PTPRD: variants seen among roughly 807,000 people sequenced by gnomAD.
The protein encoded by PTPRD is protein tyrosine phosphatase receptor type D, also known as receptor-type tyrosine-protein phosphatase delta.
In PTPRD, 34 loss-of-function variants were observed where a neutral mutation model predicts 214.5. That is an observed-to-expected ratio of 0.16 (90% CI 0.12 to 0.21). PTPRD has a LOEUF of 0.21. PTPRD is among the 10% of genes least tolerant of loss of function. The pLI is 1.00. For synonymous variants in PTPRD, 1,128 were observed against 845.7 expected, an observed-to-expected ratio of 1.33 and a Z score of -5.79; for missense variants, 2,545 against 2,398.7, an observed-to-expected ratio of 1.06 and a Z score of -1.27.
intron 37 of PTPRD, among the ~76,000 whole-genome samples, chr9:8,380,835 GAGCGGT>G (rs1052028763): frequency 1.6e-4 from 24 of 152,082 alleles, no homozygotes; most frequent in African/African-American, 5.8e-4. Context: ...GGCACTTAAT[GAGCGGT>G]AGCCAACTTT....
intron 7 of PTPRD, among the ~76,000 whole-genome samples, chr9:9,679,976 T>C (rs1233490830): frequency 6.6e-6 from 1 of 151,936 alleles, no homozygotes; most frequent in Non-Finnish European, 1.5e-5. Context: ...AATACTTCTC[T>C]TGCTTTTGAA....
In PTPRD at chr9:9,533,975, TA is replaced by T. The variant is rs765062976; in HGVS notation, c.-237+40756del. ...AATTATATGATGTGTCAAGCTCATT[TA>T]AAAAATATGTTAAAATTGCTAAATA... is the stretch of plus-strand genomic sequence containing the variant. On this transcript the variant is annotated intron_variant, in intron 8 of 45. Transcript: ENST00000381196. Among the ~76,000 whole-genome samples the T allele has an allele frequency of 1.6e-4, 25 of 152,182 alleles. No homozygotes were observed. In the East Asian group the frequency reaches 2.9e-3, roughly 18 times the overall value.
At chr9:10,228,755 T>A (rs2099597696) in intron 3 of PTPRD, among the ~76,000 whole-genome samples, 1 of 149,270 alleles carries the variant, frequency 6.7e-6, no homozygotes, top group African/African-American at 2.4e-5. Flanking sequence ...ATATATAACA[T>A]CATTTCATAT....
intron 2 of PTPRD, among the ~76,000 whole-genome samples, chr9:10,372,149 T>A (rs530153882): frequency 6.6e-6 from 1 of 152,094 alleles, no homozygotes; most frequent in African/African-American, 2.4e-5. Context: ...AAACAGACTT[T>A]AGTACAATAC....
chr9:9,227,255 C>T (rs1004874348), intron 9 of PTPRD, among the ~76,000 whole-genome samples: 1 of 152,032 alleles, frequency 6.6e-6, no homozygotes, highest in Admixed American at 6.6e-5. Context: ...TTTTCATACA[C>T]ATCACAACCC....
chr9:10,464,474 G>A (rs1441018119), intron 2 of PTPRD, among the ~76,000 whole-genome samples: 2 of 144,212 alleles, frequency 1.4e-5, no homozygotes, highest in Non-Finnish European at 3.1e-5. Context: ...AAGGGAGGAA[G>A]GGAGAAAGAC....
chr9:9,039,288 T>C (rs571968693), intron 10 of PTPRD, among the ~76,000 whole-genome samples: 4 of 152,276 alleles, frequency 2.6e-5, no homozygotes, highest in South Asian at 2.1e-4. Context: ...GAAACAAACA[T>C]TGGTAGCGGA....
intron 9 of PTPRD, among the ~76,000 whole-genome samples, chr9:9,184,225 C>T (rs140286659): frequency 6.6e-6 from 1 of 152,172 alleles, no homozygotes; most frequent in South Asian, 2.1e-4. Flanking sequence ...TTCCCTATCA[C>T]ACGTTATCAC....
chr9:10,548,309 A>C (rs1006309919), intron 2 of PTPRD, among the ~76,000 whole-genome samples: 5 of 152,160 alleles, frequency 3.3e-5, no homozygotes, highest in African/African-American at 1.2e-4. Context: ...CCTAAGAATA[A>C]GGAGAACTTG....
At chr9:8,447,272 C>T (rs1416732207) in intron 34 of PTPRD, among the ~76,000 whole-genome samples, 1 of 152,048 alleles carries the variant, frequency 6.6e-6, no homozygotes, top group African/African-American at 2.4e-5. Context: ...TACTTTATTC[C>T]CTTATTCATT....
At chr9:9,401,425 G>A (rs553830833) in intron 8 of PTPRD, among the ~76,000 whole-genome samples, 1 of 151,856 alleles carries the variant, frequency 6.6e-6, no homozygotes, top group Non-Finnish European at 1.5e-5. Context: ...ATATCAGTCA[G>A]GACTAAGTCC....
intron 14 of PTPRD, among the ~76,000 whole-genome samples, chr9:8,533,697 A>G (rs35583726): frequency 0.17 from 26,243 of 151,970 alleles, 2,296 homozygotes; most frequent in South Asian, 0.22. Flanking sequence ...AATAATAGTT[A>G]GTATGTAAGT....
At chr9:10,329,552 G>T (rs139422692) in intron 3 of PTPRD, among the ~76,000 whole-genome samples, 168 of 151,784 alleles carry the variant, frequency 1.1e-3, no homozygotes, top group African/African-American at 3.9e-3. Flanking sequence ...GTCTCTCTTG[G>T]CTTTTGATTA....
intron 11 of PTPRD, among the ~76,000 whole-genome samples, chr9:8,967,256 T>C (rs1272191885): frequency 6.6e-6 from 1 of 152,090 alleles, no homozygotes; most frequent in East Asian, 1.9e-4. Context: ...TCAAAGAACT[T>C]AAAGCAGAAT....
chr9:9,543,957 A>G (rs1489886729), intron 8 of PTPRD, among the ~76,000 whole-genome samples: 1 of 151,796 alleles, frequency 6.6e-6, no homozygotes, highest in African/African-American at 2.4e-5. Context: ...AAATTTTATC[A>G]GGTAACTGTC....
chr9:10,607,776 A>T (rs777885494), intron 2 of PTPRD, among the ~76,000 whole-genome samples: 1 of 152,028 alleles, frequency 6.6e-6, no homozygotes, highest in Admixed American at 6.6e-5. Flanking sequence ...AAAAGCAAGC[A>T]TTTAAAATTA....
chr9:10,270,834 A>C (rs1173684920), intron 3 of PTPRD, among the ~76,000 whole-genome samples: 1 of 150,694 alleles, frequency 6.6e-6, no homozygotes, highest in African/African-American at 2.5e-5. Flanking sequence ...ATTCTTTGTC[A>C]TAATATTTTA....
chr9:9,225,380 C>T (rs1419602092), intron 9 of PTPRD, among the ~76,000 whole-genome samples: 1 of 151,952 alleles, frequency 6.6e-6, no homozygotes, highest in Non-Finnish European at 1.5e-5. Flanking sequence ...CGAAGACCAA[C>T]CATCGTAAGA....
chr9:9,568,305 G>T (rs1563745892), intron 8 of PTPRD, among the ~76,000 whole-genome samples: 1 of 151,938 alleles, frequency 6.6e-6, no homozygotes, highest in African/African-American at 2.4e-5. Context: ...ACACATGGAA[G>T]ACTTGAGAAA....
Sources: gnomAD v4.1 joint callset for allele counts (sites outside exome capture counted in the v4.1 genomes callset) on GRCh38, gnomAD v4.1.1 for gene constraint, MANE v1.5 for transcripts, NCBI Gene and HGNC (gene_info 2026-07-23, HGNC 2026-07-21) for gene names.